The following CDH9 variants were observed in gnomAD, a reference collection of about 807,000 sequenced individuals.
CDH9 encodes cadherin 9, also known as cadherin-9.
CDH9 carries 28 observed loss-of-function variants against 70.9 expected under a neutral mutation model. The ratio of observed to expected loss-of-function variants is 0.40; its 90% CI spans 0.29 to 0.54. The LOEUF is 0.54. CDH9 is among the 20% of genes least tolerant of loss of function. The pLI, the probability that CDH9 is intolerant of heterozygous loss-of-function variation, is 0.59. For synonymous variants in CDH9, 409 were observed against 343.1 expected, an observed-to-expected ratio of 1.19 and a Z score of -2.12; for missense variants, 874 against 984.4, an observed-to-expected ratio of 0.89 and a Z score of 1.50.
At chr5:26,955,056 T>A (rs936884299) in intron 2 of CDH9, among the ~76,000 whole-genome samples, 6 of 152,164 alleles carry the variant, frequency 3.9e-5, no homozygotes, top group South Asian at 2.1e-4. Context: ...ATTTAAAAAA[T>A]TTTTCATAGA....
intron 1 of CDH9, among the ~76,000 whole-genome samples, chr5:27,014,828 C>T (rs922102641): frequency 1.3e-5 from 2 of 151,758 alleles, no homozygotes; most frequent in African/African-American, 4.8e-5. Context: ...CTCTGAACCC[C>T]TCAATTCATC....
At chr5:27,010,278 A>G (rs1328149931) in intron 1 of CDH9, among the ~76,000 whole-genome samples, 2 of 152,028 alleles carry the variant, frequency 1.3e-5, no homozygotes, top group South Asian at 2.1e-4. Flanking sequence ...TTGTGCTGTT[A>G]TTAGTTTACT....
At chr5:26,894,755 G>C (rs1212308828) in intron 7 of CDH9, among the ~76,000 whole-genome samples, 1 of 152,014 alleles carries the variant, frequency 6.6e-6, no homozygotes, top group Non-Finnish European at 1.5e-5. Context: ...TGTTCCAGCA[G>C]ATGGCCTACT....
intron 1 of CDH9, among the ~76,000 whole-genome samples, chr5:27,037,290 T>G (rs909086682): frequency 6.6e-6 from 1 of 151,828 alleles, no homozygotes. Context: ...TTTAGAAACC[T>G]TGTGAAAAAA....
chr5:26,931,851 G>A (rs908642777), intron 2 of CDH9, among the ~76,000 whole-genome samples: 6 of 151,912 alleles, frequency 3.9e-5, no homozygotes, highest in Non-Finnish European at 5.9e-5. Flanking sequence ...AAGAATATAC[G>A]AAAATTTGCA....
At chr5:26,928,456 A>C (rs941158674) in intron 2 of CDH9, among the ~76,000 whole-genome samples, 1 of 152,082 alleles carries the variant, frequency 6.6e-6, no homozygotes, top group Admixed American at 6.6e-5. Flanking sequence ...TCCCAATGTA[A>C]ATACCAGTGA....
intron 1 of CDH9, among the ~76,000 whole-genome samples, chr5:27,025,319 TAC>T (rs1743203130): frequency 6.6e-6 from 1 of 152,076 alleles, no homozygotes; most frequent in Non-Finnish European, 1.5e-5. Context: ...GTTTAGTAAA[TAC>T]ATTGCATATC....
chr5:26,959,274 T>C (rs1012335313), intron 2 of CDH9, among the ~76,000 whole-genome samples: 18 of 152,080 alleles, frequency 1.2e-4, no homozygotes, highest in African/African-American at 4.3e-4. Context: ...AGATTAGTCA[T>C]TAGGTCAATG....
chr5:27,026,852 A>C lies in CDH9; in HGVS notation c.-50+11611T>G, dbSNP rs139580876. On this transcript the variant is annotated intron_variant, in intron 1 of 11. Transcript: ENST00000231021. ...TGGTGAATGTTACTTGCAAGTATGC[A>C]ATCATTATTACCATTTTTGTTAGAA... 4.5e-3 allele frequency among the ~76,000 whole-genome samples: 680 copies of C among 152,142 alleles called. 4 individuals carry two copies. Among genetic ancestry groups the C allele is most frequent in the African/African-American group, 0.016 (647 of 41,564 alleles).
intron 2 of CDH9, among the ~76,000 whole-genome samples, chr5:26,972,355 G>A (rs1016241446): frequency 1.1e-4 from 17 of 152,094 alleles, no homozygotes; most frequent in Admixed American, 7.2e-4. Context: ...AAAAGGCAGA[G>A]ACATCAATAA....
At chr5:27,004,939 AAAC>A (rs1742834312) in intron 1 of CDH9, among the ~76,000 whole-genome samples, 1 of 152,122 alleles carries the variant, frequency 6.6e-6, no homozygotes, top group African/African-American at 2.4e-5. Context: ...ATTAAATAAA[AAAC>A]AATAATGCAA....
In CDH9 at chr5:26,903,607, A is replaced by T. The variant is rs201858755; in HGVS notation, c.999+30T>A. The stretch of plus-strand genomic sequence containing the variant: ...AGCAAACGTAAATTATAAAGCACTC[A>T]ATGAAAAGATGAAGACAGTGAAAAG... On this transcript the variant is annotated intron_variant, in intron 6 of 11. Transcript: ENST00000231021. The T allele has an allele frequency of 2.1e-5, 30 of 1,424,614 alleles. No homozygotes were observed. The African/African-American group carries it at 3.9e-4, about 19-fold the overall frequency. 88.2% of individuals were successfully genotyped at this position (1,424,614 alleles called of 1,614,324 possible).
intron 2 of CDH9, among the ~76,000 whole-genome samples, chr5:26,965,112 T>A (rs774219835): frequency 1.3e-5 from 2 of 152,104 alleles, no homozygotes; most frequent in Non-Finnish European, 2.9e-5. Flanking sequence ...GATTCATCAA[T>A]TACTACAAGA....
In CDH9 at chr5:26,902,703, G is replaced by A; in HGVS notation, c.1026C>T (p.Leu342=). ...KQNLDFENQM[L]YTLRVDASNT... ...TACTTGCATCCACTCTTAAAGTATA[G>A]AGCATTTGATTTTCAAAATCTAAAT... Residue 342 remains leucine (L), a synonymous_variant, in exon 7 of 12, where the codon CTC becomes CTT. Transcript: ENST00000231021. 1 of 1,562,224 alleles carries A rather than the reference G, an allele frequency of 6.4e-7. No individual in the cohort carries two copies. Among genetic ancestry groups the A allele is most frequent in the East Asian group, 2.2e-5 (1 of 44,524 alleles).
At chr5:26,944,328 C>A (rs1177223874) in intron 2 of CDH9, among the ~76,000 whole-genome samples, 3 of 151,752 alleles carry the variant, frequency 2.0e-5, no homozygotes, top group Non-Finnish European at 4.4e-5. Context: ...TGAGGAAAAT[C>A]AAATGGCTTT....
At chr5:26,941,397 C>T (rs180690138) in intron 2 of CDH9, among the ~76,000 whole-genome samples, 2 of 152,276 alleles carry the variant, frequency 1.3e-5, no homozygotes, top group Non-Finnish European at 2.9e-5. Flanking sequence ...TTTGTATGCC[C>T]CTTCGGGATG....
chr5:26,884,817 G>C (rs1308728199), intron 11 of CDH9, among the ~76,000 whole-genome samples: 1 of 152,118 alleles, frequency 6.6e-6, no homozygotes, highest in African/African-American at 2.4e-5. Flanking sequence ...CAATTTTTTG[G>C]GGAATGTTTT....
At chr5:27,011,490 A>G (rs1742953364) in intron 1 of CDH9, among the ~76,000 whole-genome samples, 1 of 152,000 alleles carries the variant, frequency 6.6e-6, no homozygotes, top group Non-Finnish European at 1.5e-5. Context: ...ACAAAGAAAG[A>G]TGCTACAATC....
chr5:27,032,710 A>G (rs1743329810), intron 1 of CDH9, among the ~76,000 whole-genome samples: 2 of 151,576 alleles, frequency 1.3e-5, no homozygotes, highest in African/African-American at 4.8e-5. Flanking sequence ...GAAAAAAGCA[A>G]TACTATTTAA....
Sources: gnomAD v4.1 joint callset for allele counts (sites outside exome capture counted in the v4.1 genomes callset) on GRCh38, gnomAD v4.1.1 for gene constraint, MANE v1.5 for transcripts, NCBI Gene and HGNC (gene_info 2026-07-23, HGNC 2026-07-21) for gene names.